MOB3B: variants seen among roughly 807,000 people sequenced by gnomAD.
The protein encoded by MOB3B is MOB kinase activator-like 2B.
Under a neutral mutation model 18.7 loss-of-function variants are expected in MOB3B, and 7 were observed. The ratio of observed to expected loss-of-function variants is 0.37; its 90% CI spans 0.21 to 0.70. MOB3B has a LOEUF of 0.70. Among genes scored for constraint, MOB3B ranks in the 30% least tolerant of loss-of-function variants. The pLI, the probability that MOB3B is intolerant of heterozygous loss-of-function variation, is 0.52. For synonymous variants in MOB3B, 111 were observed against 99.9 expected (o/e 1.11, Z -0.66); for missense variants, 253 against 281.3 (o/e 0.90, Z 0.72).
At chr9:27,492,061 G>T (rs1018430165) in intron 1 of MOB3B, among the ~76,000 whole-genome samples, 4 of 152,190 alleles carry the variant, frequency 2.6e-5, no homozygotes, top group Admixed American at 6.5e-5. Context: ...TTTTGCAAAT[G>T]AGATTTGAGA....
At chr9:27,469,856 C>G (rs765195900) in intron 1 of MOB3B, among the ~76,000 whole-genome samples, 1 of 152,040 alleles carries the variant, frequency 6.6e-6, no homozygotes, top group African/African-American at 2.4e-5. Context: ...GAAGCCAAGG[C>G]AGGAGGATCG....
intron 2 of MOB3B, among the ~76,000 whole-genome samples, chr9:27,416,695 A>G (rs1269402276): frequency 6.1e-5 from 9 of 146,474 alleles, no homozygotes; most frequent in Non-Finnish European, 1.3e-4. Context: ...CACCATGCCC[A>G]GCCAATTTTT....
rs370449259 is a variant in MOB3B at position 27,455,574 on chromosome 9, T to G, written c.-24A>C. The G allele has an allele frequency of 8.1e-6, 13 of 1,613,518 alleles. No individual in the cohort carries two copies. In the African/African-American group the frequency reaches 1.7e-4, roughly 22 times the overall value. On this transcript the variant is annotated 5_prime_UTR_variant, in exon 2 of 4. Coordinates refer to ENST00000262244, the MANE Select transcript of MOB3B (RefSeq NM_024761.5). ...ATGGTCTTCTCTTTCGCTTCCTTTC[T>G]TTTGCAGGAAGCGAAAAGGCACCTG...
intron 1 of MOB3B, among the ~76,000 whole-genome samples, chr9:27,461,609 G>A (rs1049860888): frequency 6.6e-6 from 1 of 152,262 alleles, no homozygotes; most frequent in Non-Finnish European, 1.5e-5. Flanking sequence ...TAACCGTACA[G>A]AAGTCTGTCA....
chr9:27,441,132 G>A (rs949168649), intron 2 of MOB3B, among the ~76,000 whole-genome samples: 9 of 152,242 alleles, frequency 5.9e-5, no homozygotes, highest in East Asian at 1.9e-4. Context: ...CCTGCTGTGC[G>A]GCCTGATTCA....
intron 3 of MOB3B, among the ~76,000 whole-genome samples, chr9:27,356,958 C>T (rs997991512): frequency 6.6e-6 from 1 of 151,020 alleles, no homozygotes; most frequent in Non-Finnish European, 1.5e-5. Context: ...TACTATTTGT[C>T]CAACTGCATT....
chr9:27,501,549 A>G (rs749035263), intron 1 of MOB3B, among the ~76,000 whole-genome samples: 15 of 145,100 alleles, frequency 1.0e-4, no homozygotes, highest in Non-Finnish European at 1.8e-4. Flanking sequence ...GAACTGAACA[A>G]TGAAAACACT....
chr9:27,430,918 G>A (rs1294035474), intron 2 of MOB3B, among the ~76,000 whole-genome samples: 2 of 140,580 alleles, frequency 1.4e-5, no homozygotes, highest in African/African-American at 2.7e-5. Flanking sequence ...CTGCCATCCT[G>A]CCTGCTTGGG....
chr9:27,365,504 A>G (rs1300229479), intron 2 of MOB3B, among the ~76,000 whole-genome samples: 1 of 151,926 alleles, frequency 6.6e-6, no homozygotes, highest in Non-Finnish European at 1.5e-5. Flanking sequence ...GATTTTGACT[A>G]GTCTTATAAT....
At chr9:27,491,654 A>C (rs955110208) in intron 1 of MOB3B, among the ~76,000 whole-genome samples, 16 of 152,172 alleles carry the variant, frequency 1.1e-4, no homozygotes, top group African/African-American at 3.9e-4. Context: ...CAGGCAGATC[A>C]CAAGGTCAGG....
intron 2 of MOB3B, among the ~76,000 whole-genome samples, chr9:27,406,727 C>CA: frequency 6.6e-6 from 1 of 152,202 alleles, no homozygotes; most frequent in South Asian, 2.1e-4. Flanking sequence ...TCATCACATA[C>CA]AAAAATCAAA....
At chr9:27,355,455 G>C (rs1159628390) in intron 3 of MOB3B, among the ~76,000 whole-genome samples, 1 of 152,144 alleles carries the variant, frequency 6.6e-6, no homozygotes, top group Non-Finnish European at 1.5e-5. Flanking sequence ...CCAAATGCCT[G>C]ACTCCTTCAT....
At chr9:27,352,661 G>C (rs1821121730) in intron 3 of MOB3B, among the ~76,000 whole-genome samples, 1 of 152,152 alleles carries the variant, frequency 6.6e-6, no homozygotes, top group Admixed American at 6.5e-5. Flanking sequence ...AGTGGTGGCT[G>C]TGTGGTTTGA....
chr9:27,478,810 GACACACACACACACACACAC>G (rs34976107), intron 1 of MOB3B, among the ~76,000 whole-genome samples: 46 of 141,310 alleles, frequency 3.3e-4, no homozygotes, highest in Non-Finnish European at 6.4e-4. Context: ...GGATTAAAAA[GACACACACACACACACACAC>G]ACACACACAC....
At chr9:27,407,799 C>T (rs537403704) in intron 2 of MOB3B, among the ~76,000 whole-genome samples, 1 of 152,344 alleles carries the variant, frequency 6.6e-6, no homozygotes, top group African/African-American at 2.4e-5. Flanking sequence ...TCTGGCAAGA[C>T]AGTAGAATCC....
intron 2 of MOB3B, among the ~76,000 whole-genome samples, chr9:27,403,883 G>A (rs1314859051): frequency 6.6e-6 from 1 of 152,118 alleles, no homozygotes; most frequent in African/African-American, 2.4e-5. Flanking sequence ...GATCACATAA[G>A]AGTAATAGGG....
chr9:27,520,749 G>T (rs1820311545), intron 1 of MOB3B, among the ~76,000 whole-genome samples: 1 of 135,618 alleles, frequency 7.4e-6, no homozygotes, highest in Non-Finnish European at 1.6e-5. Flanking sequence ...GCAGGAGGAG[G>T]AAGAGTAGCA....
chr9:27,529,527 C>T (rs1235102378), intron 1 of MOB3B, 28 bp downstream of exon 1: 2 of 984,226 alleles, frequency 2.0e-6, no homozygotes, highest in Non-Finnish European at 2.4e-6. Context: ...GCGCCGCCTC[C>T]CCTAGCTTGG....
chr9:27,361,515 C>T (rs370640465), intron 2 of MOB3B, among the ~76,000 whole-genome samples: 1 of 152,198 alleles, frequency 6.6e-6, no homozygotes, highest in Non-Finnish European at 1.5e-5. Flanking sequence ...CTGCCTTCAA[C>T]GAGAGTATGT....
Sources: gnomAD v4.1 joint callset for allele counts (sites outside exome capture counted in the v4.1 genomes callset) on GRCh38, gnomAD v4.1.1 for gene constraint, MANE v1.5 for transcripts, NCBI Gene and HGNC (gene_info 2026-07-23, HGNC 2026-07-21) for gene names.